The following HNF4G variants were observed in gnomAD, a reference collection of about 807,000 sequenced individuals.
HNF4G encodes the protein hepatocyte nuclear factor 4-gamma.
A neutral mutation model predicts 50.9 loss-of-function variants in HNF4G; 21 were observed. The ratio of observed to expected loss-of-function variants is 0.41; its 90% CI spans 0.29 to 0.59. HNF4G has a LOEUF of 0.59. Among genes scored for constraint, HNF4G ranks in the 20% least tolerant of loss-of-function variants. HNF4G has a pLI of 0.26. For synonymous variants in HNF4G, 198 were observed against 185.6 expected (o/e 1.07, Z -0.54); for missense variants, 527 against 559.4 (o/e 0.94, Z 0.58).
chr8:75,478,106 G>A (rs888126443), intron 1 of HNF4G, among the ~76,000 whole-genome samples: 3 of 152,178 alleles, frequency 2.0e-5, no homozygotes, highest in South Asian at 2.1e-4. Flanking sequence ...GAGCTCAGGA[G>A]ATCGAGACAA....
chr8:75,540,078 G>A lies in HNF4G; in HGVS notation c.116G>A (p.Ser39Asn), dbSNP rs2943549. The A allele has an allele frequency of 0.58, 866,244 of 1,505,516 alleles. 255,952 individuals are homozygous for A. The highest frequency in any genetic ancestry group is 0.9 in the African/African-American group (65,121 of 72,208). The allele number at this position is 1,505,516 out of a possible 1,614,324, so 93.3% of individuals were successfully genotyped here. A position where few individuals can be genotyped will look rare whatever the true frequency, so the allele number is the denominator to read the frequency against. ...ACTATGCAGATTCTATATAATTCAA[G>A]TGGTGAGTTATCATCTGTTTATAGA... The part of the protein sequence containing the change: ...FETMQILYNS[S>N]DSSAPETSMN... Residue 39 changes from serine to asparagine, a missense_variant and splice_region_variant, in exon 1 of 10, where the codon AGT becomes AAT. By Grantham distance (46) the Ser-to-Asn change is conservative (BLOSUM62 1). Transcript: ENST00000396423.
At chr8:75,545,229 T>C (rs1806738126) in intron 2 of HNF4G, among the ~76,000 whole-genome samples, 2 of 126,248 alleles carry the variant, frequency 1.6e-5, no homozygotes, top group Admixed American at 7.7e-5. Context: ...AGGTGCTCTG[T>C]TAAAATTGAA....
intron 2 of HNF4G, among the ~76,000 whole-genome samples, chr8:75,518,578 C>T (rs1805956060): frequency 6.6e-6 from 1 of 152,140 alleles, no homozygotes; most frequent in Admixed American, 6.5e-5. Flanking sequence ...TTCTGTGCAC[C>T]TGCAGGCCCA....
intron 2 of HNF4G, among the ~76,000 whole-genome samples, chr8:75,533,257 T>C (rs927634188): frequency 6.6e-6 from 1 of 152,072 alleles, no homozygotes; most frequent in East Asian, 1.9e-4. Context: ...TTTGCCTTCA[T>C]AGAACTTGCT....
chr8:75,475,135 G>T (rs1003436172), intron 1 of HNF4G, among the ~76,000 whole-genome samples: 1 of 151,800 alleles, frequency 6.6e-6, no homozygotes, highest in African/African-American at 2.4e-5. Context: ...TCAGCCTCCC[G>T]AGTAGCTGAG....
At chr8:75,563,348 T>A (rs1807368623) in intron 9 of HNF4G, among the ~76,000 whole-genome samples, 1 of 152,098 alleles carries the variant, frequency 6.6e-6, no homozygotes. Flanking sequence ...TTCAGTTACT[T>A]TATATTCAAT....
chr8:75,540,739 T>C (rs1345127011), intron 1 of HNF4G, among the ~76,000 whole-genome samples: 1 of 152,076 alleles, frequency 6.6e-6, no homozygotes, highest in East Asian at 1.9e-4. Flanking sequence ...TACAGCTTAC[T>C]ATTGACTTTG....
At chr8:75,514,644 C>T (rs1453558968) in intron 2 of HNF4G, among the ~76,000 whole-genome samples, 1 of 151,958 alleles carries the variant, frequency 6.6e-6, no homozygotes, top group African/African-American at 2.4e-5. Flanking sequence ...AGCCACTGCA[C>T]CCGGCCCATC....
rs1240103884 is a variant in HNF4G, at chr8:75,564,544, T to C, written c.*448T>C. The C allele has an allele frequency of 1.3e-5, 2 of 153,200 alleles. No individual in the cohort carries two copies. 9.5% of individuals were successfully genotyped at this position (153,200 alleles called of 1,614,324 possible). ...TAAAAATAAATTATAAACTTGGAGA[T>C]TAGAAAAATAAAGCAGTTGCTGTAG... On this transcript the variant is annotated 3_prime_UTR_variant, in exon 10 of 10. Transcript: ENST00000396423.
chr8:75,493,589 T>C (rs1248695026), intron 2 of HNF4G, among the ~76,000 whole-genome samples: 1 of 152,182 alleles, frequency 6.6e-6, no homozygotes, highest in Non-Finnish European at 1.5e-5. Context: ...TATGAAAATT[T>C]TCTATATATT....
intron 1 of HNF4G, among the ~76,000 whole-genome samples, chr8:75,449,736 T>G (rs1476942127): frequency 6.6e-6 from 1 of 151,984 alleles, no homozygotes; most frequent in African/African-American, 2.4e-5. Context: ...CTCGATCTCC[T>G]GACCTCGTGA....
rs1369653062 is a variant in HNF4G, at chr8:75,566,325, G to A, written c.*2229G>A. ...CACCTCCTAATACCATCACTCTGGGGACTAGGTGTCAGCATGTGAATTTTG... is the reference window on the plus strand; with the variant it reads ...CACCTCCTAATACCATCACTCTGGGAACTAGGTGTCAGCATGTGAATTTTG... On this transcript the variant is annotated 3_prime_UTR_variant, in exon 10 of 10. Coordinates refer to ENST00000396423, the MANE Select transcript of HNF4G (RefSeq NM_004133.5). The A allele has an allele frequency of 6.6e-6, 1 of 152,126 alleles. No individual in the cohort carries two copies. The highest frequency in any genetic ancestry group is 1.5e-5 in the Non-Finnish European group (1 of 68,012). The allele number at this position is 152,126 out of a possible 1,614,324, so 9.4% of individuals were successfully genotyped here. A position where few individuals can be genotyped will look rare whatever the true frequency, so the allele number is the denominator to read the frequency against.
At chr8:75,437,844 G>A (rs1811176824) in intron 1 of HNF4G, among the ~76,000 whole-genome samples, 2 of 151,910 alleles carry the variant, frequency 1.3e-5, no homozygotes, top group Non-Finnish European at 2.9e-5. Context: ...TGAAAATATA[G>A]TTAGACAAAC....
chr8:75,458,697 C>A (rs1811780135), intron 1 of HNF4G, among the ~76,000 whole-genome samples: 1 of 152,114 alleles, frequency 6.6e-6, no homozygotes, highest in Admixed American at 6.5e-5. Context: ...AAGCAATAAC[C>A]TCCACTTACA....
intron 2 of HNF4G, among the ~76,000 whole-genome samples, chr8:75,546,863 T>A (rs553813613): frequency 6.6e-6 from 1 of 152,280 alleles, no homozygotes; most frequent in Non-Finnish European, 1.5e-5. Flanking sequence ...TGTACATATG[T>A]TTCATTTCTC....
chr8:75,542,811 G>T (rs1806666958), intron 1 of HNF4G, among the ~76,000 whole-genome samples: 1 of 152,282 alleles, frequency 6.6e-6, no homozygotes, highest in Non-Finnish European at 1.5e-5. Flanking sequence ...AAAGAACTTA[G>T]ATAGCAGGCT....
upstream of HNF4G, among the ~76,000 whole-genome samples, chr8:75,535,050 CAAAGG>C (rs1209410864): frequency 3.3e-5 from 5 of 151,242 alleles, no homozygotes; most frequent in Non-Finnish European, 5.9e-5. Flanking sequence ...AACTGAACAA[CAAAGG>C]AAAGAGATAA....
intron 1 of HNF4G, among the ~76,000 whole-genome samples, chr8:75,430,388 A>G (rs530963878): frequency 3.9e-5 from 6 of 152,170 alleles, no homozygotes; most frequent in African/African-American, 1.4e-4. Context: ...AGATTTGACT[A>G]CAAATACCTC....
At chr8:75,460,980 A>G (rs1811825361) in intron 1 of HNF4G, among the ~76,000 whole-genome samples, 2 of 152,226 alleles carry the variant, frequency 1.3e-5, no homozygotes, top group Admixed American at 6.5e-5. Context: ...CTGTAGATTA[A>G]TGATTACCAC....
Sources: gnomAD v4.1 joint callset for allele counts (sites outside exome capture counted in the v4.1 genomes callset) on GRCh38, gnomAD v4.1.1 for gene constraint, MANE v1.5 for transcripts, NCBI Gene and HGNC (gene_info 2026-07-23, HGNC 2026-07-21) for gene names.